The following FADS6 variants were observed in gnomAD, a reference collection of about 807,000 sequenced individuals.
FADS6 encodes the protein fatty acid desaturase domain family, member 6.
In FADS6, 28 loss-of-function variants were observed where a neutral mutation model predicts 31.7. That is an observed-to-expected ratio of 0.88 (90% confidence interval 0.66 to 1.21). FADS6 has a LOEUF of 1.21. Among genes scored for constraint, FADS6 ranks in the 50% most tolerant of loss-of-function variants. FADS6 has a pLI of 0.00. For missense variants in FADS6, 494 were observed against 504.2 expected, an observed-to-expected ratio of 0.98 and a Z score of 0.19; for synonymous variants, 191 against 213.1, an observed-to-expected ratio of 0.90 and a Z score of 0.90.
chr17:74,887,938 G>A (rs146759149), intron 2 of FADS6, among the ~76,000 whole-genome samples: 3,719 of 152,068 alleles, frequency 0.024, 75 homozygotes, highest in Middle Eastern at 0.044. Context: ...CACCCTCCTC[G>A]GCCTCCCAAA....
At chr17:74,892,904 A>T (rs490985) in intron 1 of FADS6, among the ~76,000 whole-genome samples, 1 of 151,924 alleles carries the variant, frequency 6.6e-6, no homozygotes, top group African/African-American at 2.4e-5. Context: ...CTGACTCTCC[A>T]GTGCGTGGTC....
intron 2 of FADS6, among the ~76,000 whole-genome samples, chr17:74,888,144 ACACACACACACGCGCGCGCGCG>A (rs1207781799): frequency 1.2e-4 from 14 of 113,852 alleles, no homozygotes; most frequent in African/African-American, 4.5e-4. Context: ...ACACACACAC[ACACACACACACGCGCGCGCGCG>A]CGCGCGCAGA....
At chr17:74,875,999 G>A (rs1295321494), downstream of FADS6, among the ~76,000 whole-genome samples, 1 of 152,232 alleles carries the variant, frequency 6.6e-6, no homozygotes, top group Non-Finnish European at 1.5e-5. Context: ...CACTACCACC[G>A]CAAGCCTGGA....
At chr17:74,883,783 C>T (rs1398183389) in intron 2 of FADS6, among the ~76,000 whole-genome samples, 4 of 152,064 alleles carry the variant, frequency 2.6e-5, no homozygotes, top group African/African-American at 7.2e-5. Flanking sequence ...TTCTCCTGCC[C>T]CAGCCTCCCG....
At chr17:74,888,138 A>G (rs915242605) in intron 2 of FADS6, among the ~76,000 whole-genome samples, 3 of 108,752 alleles carry the variant, frequency 2.8e-5, no homozygotes, top group East Asian at 2.4e-4. Flanking sequence ...ACACACACAC[A>G]CACACACACA....
intron 2 of FADS6, among the ~76,000 whole-genome samples, chr17:74,884,815 C>T (rs2038607163): frequency 6.6e-6 from 1 of 152,098 alleles, no homozygotes; most frequent in Non-Finnish European, 1.5e-5. Flanking sequence ...TCAAGCGATT[C>T]TCCTGCCTCA....
chr17:74,877,497 C>G lies in FADS6; in HGVS notation c.*834G>C, dbSNP rs2038517801. The G allele has an allele frequency of 1.2e-5, 2 of 165,444 alleles. No individual in the cohort carries two copies. Among genetic ancestry groups the G allele is most frequent in the Non-Finnish European group, 2.5e-5 (2 of 80,214 alleles). The allele number at this position is 165,444 out of a possible 1,614,324, so 10.2% of individuals were successfully genotyped here. ...TACAAGTGTATGCCACCACATCCAG[C>G]TAATTTTTTGTATTTTTAGTAGAGA... On this transcript the variant is annotated 3_prime_UTR_variant, in exon 6 of 6. Coordinates refer to ENST00000612771, the MANE Select transcript of FADS6 (RefSeq NM_178128.6).
intron 2 of FADS6, among the ~76,000 whole-genome samples, chr17:74,888,104 T>C (rs537029398): frequency 1.4e-4 from 21 of 150,688 alleles, no homozygotes; most frequent in African/African-American, 4.4e-4. Flanking sequence ...TACTGGAGCA[T>C]GGTGTAGGTG....
At chr17:74,887,658 C>A (rs2038637607) in intron 2 of FADS6, among the ~76,000 whole-genome samples, 1 of 152,190 alleles carries the variant, frequency 6.6e-6, no homozygotes, top group African/African-American at 2.4e-5. Context: ...AGGAAGCAGC[C>A]AGTAAGCCTT....
chr17:74,887,614 G>A (rs1043571857), intron 2 of FADS6, among the ~76,000 whole-genome samples: 1 of 152,214 alleles, frequency 6.6e-6, no homozygotes, highest in African/African-American at 2.4e-5. Flanking sequence ...AGGGAGGTGC[G>A]ACTCTGAAAT....
chr17:74,883,727 C>A (rs772279530), intron 2 of FADS6, among the ~76,000 whole-genome samples: 1 of 152,108 alleles, frequency 6.6e-6, no homozygotes, highest in Non-Finnish European at 1.5e-5. Context: ...AGTGGTGAAC[C>A]TCTGCCTCAT....
intron 2 of FADS6, among the ~76,000 whole-genome samples, chr17:74,888,256 C>T (rs2038651822): frequency 6.6e-6 from 1 of 151,840 alleles, no homozygotes; most frequent in South Asian, 2.1e-4. Context: ...TGGATGAAGG[C>T]TACACCAGAC....
intron 2 of FADS6, among the ~76,000 whole-genome samples, chr17:74,884,673 G>A (rs545132084): frequency 1.8e-4 from 28 of 152,006 alleles, no homozygotes; most frequent in Non-Finnish European, 3.4e-4. Context: ...GGAGCAGCGA[G>A]ACGGGGATAG....
chr17:74,880,633 C>T (rs12450490), intron 4 of FADS6, among the ~76,000 whole-genome samples: 2,337 of 152,174 alleles, frequency 0.015, 116 homozygotes, highest in Admixed American at 0.095. Context: ...AGTGAACCAC[C>T]GCACCCAGCT....
At chr17:74,887,235 C>A (rs576212996) in intron 2 of FADS6, among the ~76,000 whole-genome samples, 1 of 152,092 alleles carries the variant, frequency 6.6e-6, no homozygotes, top group African/African-American at 2.4e-5. Context: ...AGGTGCACAC[C>A]GCCACATCCA....
intron 2 of FADS6, among the ~76,000 whole-genome samples, chr17:74,888,312 A>T (rs540497426): frequency 2.3e-4 from 35 of 152,252 alleles, no homozygotes; most frequent in African/African-American, 8.2e-4. Flanking sequence ...TAATTATTTT[A>T]AAAATAAAAA....
intron 3 of FADS6, among the ~76,000 whole-genome samples, chr17:74,881,941 T>C (rs1188758106): frequency 2.5e-5 from 3 of 118,984 alleles, no homozygotes; most frequent in African/African-American, 1.0e-4. Context: ...CTGCAAAGCA[T>C]TTTTTTTTTT....
At chr17:74,878,991 A>G in intron 5 of FADS6, 1 of 199,560 alleles carries the variant, frequency 5.0e-6, no homozygotes, top group South Asian at 8.8e-5. Flanking sequence ...CAGTTGGGGG[A>G]CTTGGAGTTC....
At chr17:74,879,208 T>G in intron 5 of FADS6, 196 bp downstream of exon 5, 1 of 662,100 alleles carries the variant, frequency 1.5e-6, no homozygotes, top group Middle Eastern at 4.3e-4. Context: ...CGCTAATTTT[T>G]GAATTTTTTG....
Sources: allele counts gnomAD v4.1 joint callset (sites outside exome capture counted in the v4.1 genomes callset), GRCh38; gene constraint gnomAD v4.1.1; transcripts MANE v1.5; gene names NCBI Gene and HGNC (gene_info 2026-07-23, HGNC 2026-07-21).